The following PALLD variants were observed in gnomAD, a reference collection of about 807,000 sequenced individuals.
PALLD encodes palladin.
Under a neutral mutation model 123.5 loss-of-function variants are expected in PALLD, and 61 were observed. The observed-to-expected ratio is 0.49, with a 90% CI of 0.40 to 0.61. The LOEUF (loss-of-function observed/expected upper bound fraction) is 0.61. PALLD is among the 20% of genes least tolerant of loss of function. PALLD has a pLI of 0.00. For missense variants in PALLD, 1,273 were observed against 1,377.0 expected (o/e 0.92, Z 1.20); for synonymous variants, 465 against 496.4 (o/e 0.94, Z 0.84).
chr4:168,629,837 C>T (rs746783708), intron 2 of PALLD, among the ~76,000 whole-genome samples: 38 of 152,190 alleles, frequency 2.5e-4, no homozygotes, highest in Non-Finnish European at 1.0e-4. Flanking sequence ...AAGGCAGCCT[C>T]CTTGTGTGGA....
chr4:168,770,275 G>A (rs1331226102), intron 10 of PALLD, among the ~76,000 whole-genome samples: 1 of 152,204 alleles, frequency 6.6e-6, no homozygotes, highest in Non-Finnish European at 1.5e-5. Flanking sequence ...ATGTTGGATT[G>A]CTGGCGAGAA....
At chr4:168,802,361 A>G (rs1739468380) in intron 10 of PALLD, among the ~76,000 whole-genome samples, 1 of 152,230 alleles carries the variant, frequency 6.6e-6, no homozygotes, top group African/African-American at 2.4e-5. Context: ...GGATAAAGAA[A>G]ATGTGGTACC....
chr4:168,735,482 C>T (rs534093712), intron 10 of PALLD, among the ~76,000 whole-genome samples: 117 of 152,344 alleles, frequency 7.7e-4, no homozygotes, highest in African/African-American at 2.6e-3. Flanking sequence ...TTCTTATGCT[C>T]TCTGAGCCTG....
intron 2 of PALLD, among the ~76,000 whole-genome samples, chr4:168,550,581 A>ACTCCACTCC (rs1766624888): frequency 8.1e-6 from 1 of 123,988 alleles, no homozygotes; most frequent in Non-Finnish European, 1.9e-5. Flanking sequence ...CTAAAGAGCC[A>ACTCCACTCC]CTGGGAGAGT....
At chr4:168,602,041 T>C (rs192067811) in intron 2 of PALLD, among the ~76,000 whole-genome samples, 2 of 152,162 alleles carry the variant, frequency 1.3e-5, no homozygotes, top group Non-Finnish European at 2.9e-5. Flanking sequence ...CCATCCAGCA[T>C]AGAGCACTCT....
At chr4:168,903,932 C>G (rs1397191621) in intron 15 of PALLD, 26 bp downstream of exon 15, 1 of 1,606,074 alleles carries the variant, frequency 6.2e-7, no homozygotes, top group Admixed American at 1.7e-5. Context: ...GGTCTGGGCT[C>G]AGTTCTGTGT....
At chr4:168,688,275 T>C (rs1580975454) in intron 6 of PALLD, among the ~76,000 whole-genome samples, 1 of 152,160 alleles carries the variant, frequency 6.6e-6, no homozygotes, top group African/African-American at 2.4e-5. Flanking sequence ...AGTCCAAGGG[T>C]TACCTCCATC....
At chr4:168,878,114 G>A in intron 10 of PALLD, 3 of 1,462,266 alleles carry the variant, frequency 2.1e-6, no homozygotes, top group Non-Finnish European at 2.7e-6. Flanking sequence ...GCCCTTCGGC[G>A]CTGAGCCCGA....
intron 2 of PALLD, among the ~76,000 whole-genome samples, chr4:168,545,603 TTTGA>T (rs1419207599): frequency 6.6e-6 from 1 of 152,180 alleles, no homozygotes; most frequent in Non-Finnish European, 1.5e-5. Context: ...ACATACCTTG[TTTGA>T]TTTTTTACCT....
At chr4:168,800,621 G>A (rs1252243086) in intron 10 of PALLD, among the ~76,000 whole-genome samples, 1 of 152,094 alleles carries the variant, frequency 6.6e-6, no homozygotes, top group Admixed American at 6.5e-5. Flanking sequence ...TTCTGGCAAG[G>A]ATGTGAAGTA....
At chr4:168,548,424 T>G (rs1335956460) in intron 2 of PALLD, among the ~76,000 whole-genome samples, 1 of 152,146 alleles carries the variant, frequency 6.6e-6, no homozygotes, top group Admixed American at 6.5e-5. Flanking sequence ...TTCTTTGTTT[T>G]CTGGTGTACA....
At chr4:168,657,860 C>T (rs890839105) in intron 2 of PALLD, among the ~76,000 whole-genome samples, 1 of 152,198 alleles carries the variant, frequency 6.6e-6, no homozygotes, top group African/African-American at 2.4e-5. Context: ...AAACGTCACA[C>T]CTGGTCCAAC....
intron 14 of PALLD, among the ~76,000 whole-genome samples, chr4:168,900,617 A>G (rs1756299633): frequency 6.6e-6 from 1 of 152,196 alleles, no homozygotes; most frequent in African/African-American, 2.4e-5. Flanking sequence ...AAGTTTTACC[A>G]TCATGTTCTT....
chr4:168,750,811 C>T (rs1730958809), intron 10 of PALLD, among the ~76,000 whole-genome samples: 2 of 152,142 alleles, frequency 1.3e-5, no homozygotes, highest in African/African-American at 4.8e-5. Flanking sequence ...GAAAGACTTT[C>T]CTAATACTTC....
chr4:168,764,963 T>C (rs569812227), intron 10 of PALLD, among the ~76,000 whole-genome samples: 45 of 152,258 alleles, frequency 3.0e-4, no homozygotes, highest in Non-Finnish European at 5.6e-4. Context: ...GAATCGAGGG[T>C]TTATACACTG....
chr4:168,654,984 CTT>C (rs1491580274), intron 2 of PALLD, among the ~76,000 whole-genome samples: 1 of 20,796 alleles, frequency 4.8e-5, no homozygotes, highest in Non-Finnish European at 1.3e-4. Flanking sequence ...TATATGGCTA[CTT>C]GTGTGTGTGT....
intron 2 of PALLD, among the ~76,000 whole-genome samples, chr4:168,552,788 G>A (rs1766872580): frequency 6.6e-6 from 1 of 151,978 alleles, no homozygotes; most frequent in Non-Finnish European, 1.5e-5. Flanking sequence ...CGATTGTCCT[G>A]CCTCAGCCTC....
chr4:168,674,075 C>T (rs2723710), intron 3 of PALLD, among the ~76,000 whole-genome samples: 43,445 of 151,758 alleles, frequency 0.29, 6,252 homozygotes, highest in Middle Eastern at 0.32. Flanking sequence ...CCACCATGCC[C>T]GGCTAATTTT....
chr4:168,910,717 G>C (rs1758761438), intron 15 of PALLD, among the ~76,000 whole-genome samples: 1 of 152,154 alleles, frequency 6.6e-6, no homozygotes, highest in Non-Finnish European at 1.5e-5. Flanking sequence ...GAAAGATTAA[G>C]TTACCTGCCT....
Sources: gnomAD v4.1 joint callset for allele counts (sites outside exome capture counted in the v4.1 genomes callset) on GRCh38, gnomAD v4.1.1 for gene constraint, MANE v1.5 for transcripts, NCBI Gene and HGNC (gene_info 2026-07-23, HGNC 2026-07-21) for gene names.